The following CEP170 variants were observed in gnomAD, a reference collection of about 807,000 sequenced individuals.
CEP170 encodes the protein centrosomal protein 170, also known as centrosomal protein of 170 kDa.
A neutral mutation model predicts 151.9 loss-of-function variants in CEP170; 21 were observed. That is an observed-to-expected ratio of 0.14 (90% CI 0.10 to 0.20). CEP170 has a LOEUF of 0.20. Ranked by LOEUF, CEP170 falls within the 10% of genes least tolerant of loss-of-function variation. The pLI is 1.00. For missense variants in CEP170, 964 were observed against 1,892.9 expected (o/e 0.51, Z 9.11); for synonymous variants, 356 against 648.8 (o/e 0.55, Z 6.86).
At position 243,213,203 on chromosome 1, in the gene CEP170, T is replaced by C. The variant is rs565184176; in HGVS notation, c.196-1239A>G. 2.5e-4 allele frequency among the ~76,000 whole-genome samples: 38 copies of C among 152,250 alleles called. 1 individual carries two copies. In the South Asian group the frequency reaches 7.5e-3, roughly 30 times the overall value. On this transcript the variant is annotated intron_variant, in intron 3 of 19. Coordinates refer to ENST00000366542, the MANE Select transcript of CEP170 (RefSeq NM_014812.3). ...AGGCACACATGGTTAGTGGCTACTG[T>C]AGTGAAAAGCACAGACCTACGAGCA... is the stretch of plus-strand genomic sequence containing the variant.
At chr1:243,134,244 G>A (rs1004528038) in intron 17 of CEP170, among the ~76,000 whole-genome samples, 1 of 152,000 alleles carries the variant, frequency 6.6e-6, no homozygotes, top group African/African-American at 2.4e-5. Flanking sequence ...ATGAGAACAG[G>A]GGTCTTTGTT....
chr1:243,242,440 G>C (rs570235423), intron 1 of CEP170, among the ~76,000 whole-genome samples: 59 of 151,570 alleles, frequency 3.9e-4, no homozygotes, highest in Middle Eastern at 6.8e-3. Context: ...GGATGGTCTC[G>C]ATCTCCTGAC....
chr1:243,139,986 G>A lies in CEP170; in HGVS notation c.4181C>T (p.Pro1394Leu). The A allele has an allele frequency of 6.2e-7, 1 of 1,613,746 alleles. No individual in the cohort carries two copies. Among genetic ancestry groups the A allele is most frequent in the South Asian group, 1.1e-5 (1 of 91,072 alleles). The change falls in exon 16 of 20, where the codon CCT (proline) becomes CTT (leucine). Residue 1394 changes from proline to leucine, a missense_variant. Coordinates refer to ENST00000366542, the MANE Select transcript of CEP170 (RefSeq NM_014812.3). ...SGDPRPQAAE[P>L]PDHLTITRRR... ...CCTTGTAATTGTTAAGTGATCGGGA[G>A]GCTCTGCTGCTTGAGGTCTTGGATC...
At chr1:243,189,086 A>G (rs529806440) in intron 8 of CEP170, among the ~76,000 whole-genome samples, 1 of 152,296 alleles carries the variant, frequency 6.6e-6, no homozygotes, top group African/African-American at 2.4e-5. Flanking sequence ...GTCTACCTAT[A>G]AATCAACTTT....
chr1:243,190,725 C>G (rs547127339), intron 8 of CEP170, among the ~76,000 whole-genome samples: 4 of 152,118 alleles, frequency 2.6e-5, no homozygotes, highest in South Asian at 2.1e-4. Flanking sequence ...GGGAACTCTA[C>G]TGGTAAACTT....
chr1:243,141,369 T>C (rs1216986516), intron 15 of CEP170, among the ~76,000 whole-genome samples: 4 of 152,260 alleles, frequency 2.6e-5, no homozygotes, highest in African/African-American at 9.6e-5. Flanking sequence ...GTTAAATAAG[T>C]GTGGCTGTGT....
At chr1:243,132,356 G>A (rs2054527517) in intron 17 of CEP170, among the ~76,000 whole-genome samples, 2 of 152,222 alleles carry the variant, frequency 1.3e-5, no homozygotes, top group African/African-American at 2.4e-5. Flanking sequence ...ATCTCTAACT[G>A]AGCACTAATC....
At chr1:243,146,713 T>C (rs1396647387) in intron 14 of CEP170, among the ~76,000 whole-genome samples, 2 of 150,482 alleles carry the variant, frequency 1.3e-5, no homozygotes, top group Non-Finnish European at 3.0e-5. Flanking sequence ...CTTCACTTCA[T>C]TTAAAATTCT....
intron 1 of CEP170, among the ~76,000 whole-genome samples, chr1:243,240,816 C>A (rs1388033729): frequency 6.6e-6 from 1 of 152,082 alleles, no homozygotes; most frequent in East Asian, 1.9e-4. Flanking sequence ...CCTCAGCCTC[C>A]CAAGTAGCTG....
At chr1:243,137,239 A>G (rs1558382397) in intron 16 of CEP170, among the ~76,000 whole-genome samples, 1 of 152,260 alleles carries the variant, frequency 6.6e-6, no homozygotes, top group Non-Finnish European at 1.5e-5. Flanking sequence ...CTAACGAAGC[A>G]TGGTAGAAAA....
At chr1:243,152,831 C>T (rs372501537) in intron 14 of CEP170, among the ~76,000 whole-genome samples, 3 of 152,092 alleles carry the variant, frequency 2.0e-5, no homozygotes, top group Admixed American at 6.6e-5. Flanking sequence ...GTGCCTGGCC[C>T]GTTTTGTCTT....
rs563217753 is a variant in CEP170 at position 243,172,673 on chromosome 1, T to C, written c.1716+24A>G. 44 of 1,535,158 alleles carry C rather than the reference T, an allele frequency of 2.9e-5. 1 individual carries two copies. The East Asian group carries it at 5.4e-4, about 19-fold the overall frequency. On this transcript the variant is annotated intron_variant, in intron 11 of 19. Transcript: ENST00000366542. ...AGAATTTATACTTTATGCATTCAAA[T>C]AGGTACACAGAAGAGATGTATACCT...
intron 1 of CEP170, among the ~76,000 whole-genome samples, chr1:243,229,426 G>T (rs6679606): frequency 6.6e-6 from 1 of 151,720 alleles, no homozygotes. Context: ...TGTAAGGAGG[G>T]AAAAAAAAGG....
At chr1:243,194,193 GA>G (rs2060491160) in intron 7 of CEP170, among the ~76,000 whole-genome samples, 1 of 151,822 alleles carries the variant, frequency 6.6e-6, no homozygotes, top group South Asian at 2.1e-4. Flanking sequence ...GAGACAAGAT[GA>G]AAAACAAGAG....
At position 243,254,862 on chromosome 1, in the gene CEP170, G is replaced by T. The variant is rs1334172029; in HGVS notation, c.-42+178C>A. ...CCCAGGCGGGCAGAGGGTGGGGGTG[G>T]CGGCGCCGCGCGGAGCACCCGGGAA... On this transcript the variant is annotated intron_variant, in intron 1 of 19. Transcript: ENST00000366542. Among the ~76,000 whole-genome samples, 5 of 151,742 alleles carry T rather than the reference G, an allele frequency of 3.3e-5. No individual in the cohort carries two copies. In the South Asian group the frequency reaches 1.0e-3, roughly 31 times the overall value.
intron 13 of CEP170, among the ~76,000 whole-genome samples, chr1:243,157,570 C>T (rs2057673065): frequency 6.6e-6 from 1 of 152,172 alleles, no homozygotes; most frequent in Non-Finnish European, 1.5e-5. Context: ...TAGTGAAAAG[C>T]ATTAAATGTT....
rs769238371 is a variant in CEP170 at position 243,164,419 on chromosome 1, C to T, written c.3541G>A (p.Ala1181Thr). 2.6e-5 allele frequency: 41 copies of T among 1,563,966 alleles called. No individual in the cohort carries two copies. Among genetic ancestry groups the T allele is most frequent in the South Asian group, 1.8e-4 (15 of 82,630 alleles). Residue 1181 changes from alanine to threonine, a missense_variant, in exon 13 of 20, where the codon GCA becomes ACA. Physicochemically the swap from Ala to Thr is moderately conservative, Grantham distance 58. Transcript: ENST00000366542. ...GCTCCACTTCTAATGATGGCTTCTG[C>T]GGTCCTCGAAGAGGCACTACTTCTA... ...ISRSSASSRT[A>T]EAIIRSGARL...
intron 6 of CEP170, among the ~76,000 whole-genome samples, chr1:243,199,937 T>C (rs2060914891): frequency 6.6e-6 from 1 of 151,856 alleles, no homozygotes; most frequent in Admixed American, 6.6e-5. Context: ...ATAATAAAAA[T>C]ATTATAAGGT....
rs149061415 is a variant in CEP170 at position 243,190,524 on chromosome 1, G to A, written c.1108+494C>T. On this transcript the variant is annotated intron_variant, in intron 8 of 19. Coordinates refer to ENST00000366542, the MANE Select transcript of CEP170 (RefSeq NM_014812.3). ...AAATATTTCTAAACCAAAAATCTTT[G>A]TTTTATGAGTAACCACTGAGAATAC... Among the ~76,000 whole-genome samples the A allele has an allele frequency of 8.7e-4, 133 of 152,242 alleles. No individual in the cohort carries two copies. In the East Asian group the frequency reaches 0.024, roughly 27 times the overall value.
Sources: allele counts gnomAD v4.1 joint callset (sites outside exome capture counted in the v4.1 genomes callset), GRCh38; gene constraint gnomAD v4.1.1; transcripts MANE v1.5; gene names NCBI Gene and HGNC (gene_info 2026-07-23, HGNC 2026-07-21).